ROBO2: variants seen among roughly 807,000 people sequenced by gnomAD.
ROBO2 encodes roundabout homolog 2.
A neutral mutation model predicts 160.8 loss-of-function variants in ROBO2; 53 were observed. That is an observed-to-expected ratio of 0.33 (90% CI 0.26 to 0.41). ROBO2 has a LOEUF of 0.41. Ranked by LOEUF, ROBO2 falls within the 10% of genes least tolerant of loss-of-function variation. ROBO2 has a pLI of 1.00. For synonymous variants in ROBO2, 664 were observed against 611.7 expected, an observed-to-expected ratio of 1.09 and a Z score of -1.26; for missense variants, 1,577 against 1,722.4, an observed-to-expected ratio of 0.92 and a Z score of 1.49.
At chr3:77,338,473 T>C (rs2066723154) in intron 2 of ROBO2, among the ~76,000 whole-genome samples, 1 of 152,114 alleles carries the variant, frequency 6.6e-6, no homozygotes, top group Admixed American at 6.6e-5. Flanking sequence ...ACAAATGACC[T>C]TAAAGATAAA....
chr3:76,142,850 C>G, intron 2 of ROBO2, among the ~76,000 whole-genome samples: 1 of 151,876 alleles, frequency 6.6e-6, no homozygotes, highest in Middle Eastern at 3.2e-3. Context: ...GGATGAATAC[C>G]TATTCTCCAT....
chr3:77,328,382 T>G (rs2028510), intron 2 of ROBO2, among the ~76,000 whole-genome samples: 65,592 of 152,102 alleles, frequency 0.43, 17,459 homozygotes, highest in Non-Finnish European at 0.61. Context: ...ATGTAAAGTT[T>G]TGTAAGCTGG....
chr3:77,319,492 A>T (rs2064435929), intron 2 of ROBO2, among the ~76,000 whole-genome samples: 1 of 152,200 alleles, frequency 6.6e-6, no homozygotes. Flanking sequence ...ATATCTAAGT[A>T]GTCTAGGCCT....
chr3:76,835,475 CAAT>C (rs1284415151), intron 2 of ROBO2, among the ~76,000 whole-genome samples: 1 of 147,962 alleles, frequency 6.8e-6, no homozygotes, highest in African/African-American at 2.5e-5. Flanking sequence ...TGTGCAAACA[CAAT>C]AATACATTAT....
intron 2 of ROBO2, among the ~76,000 whole-genome samples, chr3:76,575,905 T>A (rs1427138611): frequency 6.7e-6 from 1 of 150,264 alleles, no homozygotes; most frequent in African/African-American, 2.4e-5. Context: ...GCTTAGAATA[T>A]GCTATCATTT....
chr3:77,387,434 G>C (rs147727444), intron 2 of ROBO2, among the ~76,000 whole-genome samples: 1 of 152,012 alleles, frequency 6.6e-6, no homozygotes, highest in African/African-American at 2.4e-5. Context: ...CAAGCACCAT[G>C]TTGGGTCCAG....
intron 2 of ROBO2, among the ~76,000 whole-genome samples, chr3:76,633,357 T>A (rs2090141379): frequency 1.3e-5 from 2 of 152,188 alleles, no homozygotes; most frequent in Non-Finnish European, 2.9e-5. Context: ...TCCCCTGATA[T>A]TTGTGAATGT....
chr3:76,295,612 A>G (rs1292626525), intron 2 of ROBO2, among the ~76,000 whole-genome samples: 1 of 152,170 alleles, frequency 6.6e-6, no homozygotes, highest in Non-Finnish European at 1.5e-5. Flanking sequence ...CTATTATGTT[A>G]GAATTTTGTG....
At chr3:75,928,976 C>T (rs1212854049) in intron 1 of ROBO2, among the ~76,000 whole-genome samples, 6 of 103,120 alleles carry the variant, frequency 5.8e-5, no homozygotes, top group South Asian at 2.9e-4. Flanking sequence ...CTGGATAAGA[C>T]GTACGTGTGT....
intron 2 of ROBO2, among the ~76,000 whole-genome samples, chr3:77,469,116 A>G (rs2083087945): frequency 6.6e-6 from 1 of 152,178 alleles, no homozygotes; most frequent in East Asian, 1.9e-4. Context: ...AGTCATTAAA[A>G]CTTCAGAAAA....
chr3:76,059,904 G>A (rs1307029403), intron 2 of ROBO2, among the ~76,000 whole-genome samples: 1 of 152,056 alleles, frequency 6.6e-6, no homozygotes, highest in Non-Finnish European at 1.5e-5. Context: ...TATTAAATAG[G>A]GAATCCTTTC....
At chr3:77,124,260 C>A (rs1452563488) in intron 2 of ROBO2, among the ~76,000 whole-genome samples, 6 of 151,936 alleles carry the variant, frequency 3.9e-5, no homozygotes, top group Admixed American at 3.9e-4. Context: ...CAGAAGATGT[C>A]TTTTGAATGG....
intron 2 of ROBO2, among the ~76,000 whole-genome samples, chr3:76,038,030 T>C (rs978961811): frequency 6.6e-6 from 1 of 152,052 alleles, no homozygotes; most frequent in Non-Finnish European, 1.5e-5. Flanking sequence ...ACTGGGAAGA[T>C]ACCGGAAAGT....
intron 2 of ROBO2, among the ~76,000 whole-genome samples, chr3:76,123,031 G>GC (rs1379223522): frequency 2.0e-5 from 3 of 152,052 alleles, no homozygotes; most frequent in Non-Finnish European, 4.4e-5. Flanking sequence ...ACAGGCATGA[G>GC]CCACCGTGCC....
chr3:77,475,013 A>G (rs2083824517), intron 2 of ROBO2, among the ~76,000 whole-genome samples: 1 of 152,154 alleles, frequency 6.6e-6, no homozygotes, highest in Non-Finnish European at 1.5e-5. Flanking sequence ...CCTTTTTCTA[A>G]AAATAAGTTC....
Position 75,980,678 on chromosome 3 carries a change from C to A in ROBO2, c.109+43076C>A, listed in dbSNP as rs1349395626. On this transcript the variant is annotated intron_variant, in intron 2 of 26. Coordinates refer to the ROBO2 transcript ENST00000487694. ...CAGTGATAATTTAGAAGACTCAAAG[C>A]ATTGCTACTCACTTAAATCTGAAGA... Among the ~76,000 whole-genome samples the A allele has an allele frequency of 1.5e-4, 22 of 151,438 alleles. 1 individual carries two copies. In the Admixed American group the frequency reaches 1.5e-3, roughly 10 times the overall value.
chr3:76,733,766 T>A (rs2093669527), intron 2 of ROBO2, among the ~76,000 whole-genome samples: 1 of 152,216 alleles, frequency 6.6e-6, no homozygotes, highest in Non-Finnish European at 1.5e-5. Context: ...GTTTGTCCAC[T>A]GTCTTAGTCA....
At chr3:76,659,370 G>A (rs1395657166) in intron 2 of ROBO2, among the ~76,000 whole-genome samples, 2 of 149,016 alleles carry the variant, frequency 1.3e-5, no homozygotes, top group Non-Finnish European at 3.0e-5. Context: ...CATATATTAT[G>A]TATATAATTC....
intron 2 of ROBO2, among the ~76,000 whole-genome samples, chr3:76,928,599 A>C (rs893346431): frequency 1.3e-5 from 2 of 151,982 alleles, no homozygotes; most frequent in African/African-American, 4.8e-5. Flanking sequence ...CCATTTATTC[A>C]GTTCCTCCCA....
Sources: allele counts gnomAD v4.1 joint callset (sites outside exome capture counted in the v4.1 genomes callset), GRCh38; gene constraint gnomAD v4.1.1; transcripts MANE v1.5; gene names NCBI Gene and HGNC (gene_info 2026-07-23, HGNC 2026-07-21).